SLMAP: variants seen among roughly 807,000 people sequenced by gnomAD.
The protein encoded by SLMAP is sarcolemma associated protein.
In SLMAP, 44 loss-of-function variants were observed where a neutral mutation model predicts 128.8. That is an observed-to-expected ratio of 0.34 (90% CI 0.27 to 0.44). The LOEUF (loss-of-function observed/expected upper bound fraction) is 0.44. SLMAP is among the 20% of genes least tolerant of loss of function. SLMAP has a pLI of 1.00. For missense variants in SLMAP, 787 were observed against 985.3 expected, an observed-to-expected ratio of 0.80 and a Z score of 2.69; for synonymous variants, 327 against 348.8, an observed-to-expected ratio of 0.94 and a Z score of 0.70.
chr3:57,789,030 T>C (rs2084864935), intron 2 of SLMAP, among the ~76,000 whole-genome samples: 1 of 152,208 alleles, frequency 6.6e-6, no homozygotes. Flanking sequence ...GTGGTGATTC[T>C]GCCCTTGTAT....
intron 2 of SLMAP, among the ~76,000 whole-genome samples, chr3:57,796,615 C>G (rs2086794405): frequency 6.6e-6 from 1 of 152,140 alleles, no homozygotes; most frequent in African/African-American, 2.4e-5. Flanking sequence ...TTATTATACC[C>G]TTTAAGTCAC....
Position 57,860,713 on chromosome 3 carries a change from T to C in SLMAP, c.702T>C (p.Asp234=), listed in dbSNP as rs1197527541. ...TTTTATTGTAGAATCAAACAGAAGA[T>C]AGTTTACGAAAGGAACTTATAGCAT... ...LQACSKNQTE[D]SLRKELIALQ... is the part of the protein sequence containing the mutation. The change falls in exon 9 of 25, where the codon GAT becomes GAC. Residue 234 remains aspartate, a synonymous_variant. Coordinates refer to ENST00000671191, the MANE Select transcript of SLMAP (RefSeq NM_001377540.1). 1 of 1,563,338 alleles carries C rather than the reference T, an allele frequency of 6.4e-7. No homozygotes were observed.
At chr3:57,913,137 T>C in intron 20 of SLMAP, 21 bp from the exon 21 acceptor site, 1 of 1,064,146 alleles carries the variant, frequency 9.4e-7, no homozygotes, top group South Asian at 1.4e-5. Context: ...TATTAACAAA[T>C]ATGTTTTGGG....
intron 4 of SLMAP, among the ~76,000 whole-genome samples, chr3:57,842,760 T>C (rs1170666212): frequency 6.6e-6 from 1 of 152,230 alleles, no homozygotes; most frequent in Non-Finnish European, 1.5e-5. Context: ...TCTTTTCTTA[T>C]ATGGTTAAAT....
At chr3:57,774,528 A>G (rs1410376024) in intron 2 of SLMAP, among the ~76,000 whole-genome samples, 2 of 151,034 alleles carry the variant, frequency 1.3e-5, no homozygotes, top group Non-Finnish European at 2.9e-5. Context: ...TATTATTATT[A>G]TTATTATTAT....
chr3:57,773,008 T>C (rs1336237125), intron 2 of SLMAP, among the ~76,000 whole-genome samples: 1 of 152,224 alleles, frequency 6.6e-6, no homozygotes, highest in Admixed American at 6.5e-5. Context: ...TGGTTGAGCC[T>C]AGGTACATGA....
At chr3:57,917,831 T>A (rs907923326) in intron 22 of SLMAP, 6 of 152,248 alleles carry the variant, frequency 3.9e-5, no homozygotes, top group African/African-American at 1.4e-4. Flanking sequence ...AGAAGCCTGA[T>A]ACAACTTGAT....
intron 2 of SLMAP, among the ~76,000 whole-genome samples, 157 bp from the exon 3 acceptor site, chr3:57,831,226 A>G (rs17058587): frequency 0.013 from 1,931 of 152,330 alleles, 28 homozygotes; most frequent in African/African-American, 0.044. Flanking sequence ...TTTCATATAT[A>G]TTAAAGGAGA....
chr3:57,906,341 A>G (rs1235609292), intron 17 of SLMAP, among the ~76,000 whole-genome samples: 1 of 54,088 alleles, frequency 1.8e-5, no homozygotes, highest in Non-Finnish European at 3.5e-5. Flanking sequence ...TTAGAGACAC[A>G]GTCACTCTCT....
intron 17 of SLMAP, among the ~76,000 whole-genome samples, chr3:57,903,198 G>T (rs924164921): frequency 6.6e-6 from 1 of 152,108 alleles, no homozygotes; most frequent in Admixed American, 6.5e-5. Flanking sequence ...AGAAAGAGTG[G>T]CAAAGGGGTA....
intron 17 of SLMAP, among the ~76,000 whole-genome samples, chr3:57,903,971 G>A (rs915784013): frequency 6.6e-6 from 1 of 152,114 alleles, no homozygotes; most frequent in East Asian, 1.9e-4. Flanking sequence ...TAATAAACTA[G>A]TAATGCATTT....
chr3:57,853,462 G>C (rs1055951647), intron 6 of SLMAP, among the ~76,000 whole-genome samples: 9 of 152,074 alleles, frequency 5.9e-5, no homozygotes, highest in Non-Finnish European at 7.3e-5. Flanking sequence ...AGAGGCGTTA[G>C]GGTCATAAGT....
At chr3:57,819,656 T>C (rs550796711) in intron 2 of SLMAP, among the ~76,000 whole-genome samples, 6 of 152,348 alleles carry the variant, frequency 3.9e-5, no homozygotes, top group Non-Finnish European at 7.3e-5. Context: ...TTATAAGGCT[T>C]TAAACCTAGT....
At chr3:57,912,244 G>T (rs2096718284) in intron 19 of SLMAP, 137 bp from the exon 20 acceptor site, 2 of 603,680 alleles carry the variant, frequency 3.3e-6, no homozygotes, top group Non-Finnish European at 5.6e-6. Flanking sequence ...GACGCTTTCT[G>T]CATCAAACGT....
intron 14 of SLMAP, among the ~76,000 whole-genome samples, chr3:57,882,089 A>G (rs1178928054): frequency 3.3e-5 from 5 of 152,166 alleles, no homozygotes; most frequent in African/African-American, 1.2e-4. Flanking sequence ...TTTTATATAT[A>G]TTATTTAATC....
chr3:57,853,618 G>T (rs1256085370), intron 6 of SLMAP, among the ~76,000 whole-genome samples: 4 of 151,988 alleles, frequency 2.6e-5, no homozygotes, highest in Non-Finnish European at 1.5e-5. Flanking sequence ...CTAAAGTTTA[G>T]ACTTTGTACA....
intron 2 of SLMAP, among the ~76,000 whole-genome samples, chr3:57,813,579 G>C (rs1002341607): frequency 1.3e-5 from 2 of 152,110 alleles, no homozygotes; most frequent in Non-Finnish European, 2.9e-5. Flanking sequence ...TACTAAACAT[G>C]TACAGAATTT....
At chr3:57,896,097 C>G (rs2096240244) in intron 15 of SLMAP, 1 of 265,284 alleles carries the variant, frequency 3.8e-6, no homozygotes, top group Non-Finnish European at 5.8e-6. Context: ...ACAAATCTTA[C>G]TAAAGCAGCC....
intron 2 of SLMAP, among the ~76,000 whole-genome samples, chr3:57,796,817 G>T (rs1317581299): frequency 6.6e-6 from 1 of 152,080 alleles, no homozygotes; most frequent in East Asian, 1.9e-4. Context: ...TTAATGCCTT[G>T]GGATGATATC....
Sources: allele counts gnomAD v4.1 joint callset (sites outside exome capture counted in the v4.1 genomes callset), GRCh38; gene constraint gnomAD v4.1.1; transcripts MANE v1.5; gene names NCBI Gene and HGNC (gene_info 2026-07-23, HGNC 2026-07-21).